EPB41L4A: variants seen among roughly 807,000 people sequenced by gnomAD.
EPB41L4A encodes the protein erythrocyte membrane protein band 4.1 like 4A.
EPB41L4A carries 100 observed loss-of-function variants against 108.6 expected under a neutral mutation model. The ratio of observed to expected loss-of-function variants is 0.92; its 90% CI spans 0.78 to 1.09. The LOEUF (loss-of-function observed/expected upper bound fraction) is 1.09, where lower values mean the gene tolerates loss of function less well. Ranked by LOEUF, EPB41L4A falls within the 50% of genes least tolerant of loss-of-function variation. EPB41L4A has a pLI of 0.00. For synonymous variants in EPB41L4A, 319 were observed against 289.0 expected, an observed-to-expected ratio of 1.10 and a Z score of -1.05; for missense variants, 1,030 against 842.7, an observed-to-expected ratio of 1.22 and a Z score of -2.75.
Position 112,169,076 on chromosome 5 carries a change from T to G in EPB41L4A, c.1769A>C (p.His590Pro), listed in dbSNP as rs985297740. The G allele has an allele frequency of 6.2e-7, 1 of 1,613,992 alleles. No homozygotes were observed. Among genetic ancestry groups the G allele is most frequent in the Non-Finnish European group, 8.5e-7 (1 of 1,179,986 alleles). The change falls in exon 21 of 23, where the codon CAT becomes CCT. Residue 590 changes from histidine to proline, a missense_variant. Physicochemically the swap from His to Pro is moderately conservative, Grantham distance 77. Transcript: ENST00000261486. ...GCGGTAACTTCGTGGCGAATGAGAATGCCTGATGCGGATTGGGTCACCTTG... is the reference window on the plus strand; with the variant it reads ...GCGGTAACTTCGTGGCGAATGAGAAGGCCTGATGCGGATTGGGTCACCTTG... ...ETQGDPIRIR[H>P]SHSPRSYRQY...
At chr5:112,168,953 G>A in intron 21 of EPB41L4A, 42 bp downstream of exon 21, 1 of 1,530,282 alleles carries the variant, frequency 6.5e-7, no homozygotes, top group Non-Finnish European at 9.1e-7. Flanking sequence ...GCACTGTTTT[G>A]GAGCCATGAT....
In EPB41L4A at chr5:112,365,092, T is replaced by C. The variant is rs190443390; in HGVS notation, c.99+53849A>G. Among the ~76,000 whole-genome samples the C allele has an allele frequency of 4.0e-4, 61 of 152,348 alleles. 1 individual carries two copies. Among genetic ancestry groups the C allele is most frequent in the African/African-American group, 1.4e-3 (60 of 41,576 alleles). ...AGTTCAGCTTCTGGCATAAAGCAGA[T>C]ACTAAATCAATGCTTGTTGAATTAT... On this transcript the variant is annotated intron_variant, in intron 1 of 22. Transcript: ENST00000261486.
chr5:112,382,587 A>G (rs1487865930), intron 1 of EPB41L4A, among the ~76,000 whole-genome samples: 1 of 152,188 alleles, frequency 6.6e-6, no homozygotes, highest in Non-Finnish European at 1.5e-5. Flanking sequence ...TATAGCAGGA[A>G]TATCTCTTCC....
chr5:112,192,470 A>AT (rs960549564), intron 17 of EPB41L4A, among the ~76,000 whole-genome samples: 6 of 152,270 alleles, frequency 3.9e-5, no homozygotes, highest in South Asian at 2.1e-4. Flanking sequence ...GGCCTGTTGG[A>AT]TTTTTTGCAT....
chr5:112,233,295 A>C (rs896093290), intron 12 of EPB41L4A, among the ~76,000 whole-genome samples: 4 of 152,370 alleles, frequency 2.6e-5, no homozygotes, highest in African/African-American at 9.6e-5. Flanking sequence ...AATTACCACA[A>C]AGTCAAACAG....
In EPB41L4A at chr5:112,150,054, T is replaced by C. The variant is rs533291364; in HGVS notation, n.995-4056A>G. Among the ~76,000 whole-genome samples the C allele has an allele frequency of 3.9e-5, 6 of 152,266 alleles. 1 individual carries two copies. Among genetic ancestry groups the C allele is most frequent in the African/African-American group, 1.4e-4 (6 of 41,548 alleles). On this transcript the variant is annotated intron_variant and non_coding_transcript_variant, in intron 12 of 13. Coordinates refer to the EPB41L4A transcript ENST00000507810. ...CAGTAGGGATGATTAGCCTATGTAGTATGAAAAATGATAAAACAGGGAGGA... is the reference window on the plus strand; with the variant it reads ...CAGTAGGGATGATTAGCCTATGTAGCATGAAAAATGATAAAACAGGGAGGA...
chr5:112,209,782 A>G, intron 13 of EPB41L4A, 110 bp downstream of exon 13: 1 of 617,780 alleles, frequency 1.6e-6, no homozygotes, highest in Non-Finnish European at 2.8e-6. Flanking sequence ...CCCATGGATC[A>G]AAAGTATTCA....
At chr5:112,352,281 A>G (rs1384130696) in intron 1 of EPB41L4A, among the ~76,000 whole-genome samples, 9 of 152,164 alleles carry the variant, frequency 5.9e-5, no homozygotes, top group Non-Finnish European at 1.3e-4. Flanking sequence ...CCCTCTTAGC[A>G]CTGCTTTTGC....
intron 1 of EPB41L4A, among the ~76,000 whole-genome samples, chr5:112,391,527 G>A (rs6897990): frequency 3.3e-5 from 5 of 151,268 alleles, no homozygotes; most frequent in African/African-American, 1.2e-4. Context: ...CAGAAGTGTA[G>A]AGAAAAAAGA....
In EPB41L4A at chr5:112,240,820, A is replaced by C; in HGVS notation, c.796-10T>G. On this transcript the variant is annotated splice_polypyrimidine_tract_variant and intron_variant, in intron 9 of 22. Transcript: ENST00000261486. ...ATGAGGTTTCGTTACACTAAGAGAG[A>C]AAGAGAGACAGAATATGAATAATGA... is the stretch of plus-strand genomic sequence containing the variant. The C allele has an allele frequency of 6.5e-7, 1 of 1,531,010 alleles. No individual in the cohort carries two copies. Among genetic ancestry groups the C allele is most frequent in the Non-Finnish European group, 8.9e-7 (1 of 1,127,286 alleles). The allele number at this position is 1,531,010 out of a possible 1,614,324, so 94.8% of individuals were successfully genotyped here. A position where few individuals can be genotyped will look rare whatever the true frequency, so the allele number is the denominator to read the frequency against.
At chr5:112,143,680 C>G (rs1313136107) in exon 14 of EPB41L4A, 2 of 252,114 alleles carry the variant, frequency 7.9e-6, no homozygotes, top group African/African-American at 4.6e-5. Context: ...AGCTATTCTT[C>G]TAGTGCCAGG....
intron 12 of EPB41L4A, among the ~76,000 whole-genome samples, chr5:112,147,928 A>G (rs1759323710): frequency 6.6e-6 from 1 of 151,604 alleles, no homozygotes; most frequent in Admixed American, 6.6e-5. Flanking sequence ...AGTCCCAGCT[A>G]CTTGGGAAGC....
intron 20 of EPB41L4A, 79 bp from the exon 21 acceptor site, chr5:112,169,184 C>T (rs1018654084): frequency 7.0e-5 from 69 of 980,322 alleles, no homozygotes; most frequent in South Asian, 2.2e-4. Flanking sequence ...ATATTGAAAC[C>T]GCAAAAGAAT....
chr5:112,384,878 T>C (rs1378580768), intron 1 of EPB41L4A, among the ~76,000 whole-genome samples: 3 of 152,212 alleles, frequency 2.0e-5, no homozygotes, highest in South Asian at 4.1e-4. Context: ...ATTTTTTTCC[T>C]AGGCCTCAAT....
chr5:112,165,144 A>T (rs752004934), intron 22 of EPB41L4A, 26 bp from the exon 23 acceptor site: 4 of 1,525,270 alleles, frequency 2.6e-6, no homozygotes, highest in Non-Finnish European at 3.6e-6. Context: ...AAAATGTAGA[A>T]AGATTCAGAA....
Position 112,240,803 on chromosome 5 carries a change from T to C in EPB41L4A, c.803A>G (p.Glu268Gly), listed in dbSNP as rs368827957. The C allele has an allele frequency of 3.2e-5, 50 of 1,585,288 alleles. 1 individual carries two copies. The African/African-American group carries it at 5.9e-4, about 19-fold the overall frequency. Residue 268 changes from glutamate to glycine, a missense_variant, in exon 10 of 23, where the codon GAA becomes GGA. Glu to Gly is a moderately conservative substitution (Grantham distance 98). Transcript: ENST00000261486. ...ELRVLGKDCN[E>G]TSFFFEARSK... ...CCGAGCTTCAAAAAAGAATGAGGTTTCGTTACACTAAGAGAGAAAGAGAGA... is the reference window on the plus strand; with the variant it reads ...CCGAGCTTCAAAAAAGAATGAGGTTCCGTTACACTAAGAGAGAAAGAGAGA...
Position 112,287,991 on chromosome 5 carries a change from A to G in EPB41L4A, c.205-7668T>C, listed in dbSNP as rs1163661351. Among the ~76,000 whole-genome samples the G allele has an allele frequency of 2.0e-5, 3 of 152,374 alleles. No homozygotes were observed. The East Asian group carries it at 5.8e-4, about 29-fold the overall frequency. ...CCAGGACTTTTTACTGAGTTTGAAA[A>G]TAAAACTTTCGCATTCCTAGTCCTA... On this transcript the variant is annotated intron_variant, in intron 2 of 22. Coordinates refer to ENST00000261486, the MANE Select transcript of EPB41L4A (RefSeq NM_022140.5).
intron 1 of EPB41L4A, among the ~76,000 whole-genome samples, chr5:112,380,976 C>T (rs1760141723): frequency 6.6e-6 from 1 of 152,098 alleles, no homozygotes; most frequent in Admixed American, 6.6e-5. Flanking sequence ...ATCCCTTACC[C>T]AAAACTCATG....
At chr5:112,225,748 C>T (rs1332582549) in intron 12 of EPB41L4A, among the ~76,000 whole-genome samples, 1 of 152,146 alleles carries the variant, frequency 6.6e-6, no homozygotes, top group Non-Finnish European at 1.5e-5. Flanking sequence ...CTTCTCTGCC[C>T]CCACCATTTA....
Sources: gnomAD v4.1 joint callset for allele counts (sites outside exome capture counted in the v4.1 genomes callset) on GRCh38, gnomAD v4.1.1 for gene constraint, MANE v1.5 for transcripts, NCBI Gene and HGNC (gene_info 2026-07-23, HGNC 2026-07-21) for gene names.